Variants in RBFOX1 observed in about 807,000 individuals in gnomAD.
RBFOX1 encodes the protein RNA binding fox-1 homolog 1.
Under a neutral mutation model 57.7 loss-of-function variants are expected in RBFOX1, and 8 were observed. The observed-to-expected ratio is 0.14, with a 90% CI of 0.08 to 0.25. The LOEUF (loss-of-function observed/expected upper bound fraction) is 0.25. Among genes scored for constraint, RBFOX1 ranks in the 10% least tolerant of loss-of-function variants. The probability of loss-of-function intolerance (pLI) is 1.00; values close to 1 mark genes in which losing one functional copy is unlikely to be tolerated. For missense variants in RBFOX1, 611 were observed against 548.5 expected (o/e 1.11, Z -1.14); for synonymous variants, 326 against 222.4 (o/e 1.47, Z -4.15).
At chr16:6,271,447 A>G (rs2075207290) in intron 1 of RBFOX1, among the ~76,000 whole-genome samples, 1 of 152,176 alleles carries the variant, frequency 6.6e-6, no homozygotes, top group South Asian at 2.1e-4. Flanking sequence ...CAAACAGGGA[A>G]GGAAGTTATA....
Position 7,446,781 on chromosome 16 carries a change from C to G in RBFOX1, c.28-71366C>G, listed in dbSNP as rs112435817. On this transcript the variant is annotated intron_variant, in intron 4 of 15. Transcript: ENST00000550418. ...AGCTCACGTTTTCCTATTTCTCAAGCCAAGGTAGGTCTAGGTATTTTTTTT... is the reference window on the plus strand; with the variant it reads ...AGCTCACGTTTTCCTATTTCTCAAGGCAAGGTAGGTCTAGGTATTTTTTTT... Among the ~76,000 whole-genome samples, 1,450 of 146,644 alleles carry G rather than the reference C, an allele frequency of 9.9e-3. 26 individuals carry two copies. The highest frequency in any genetic ancestry group is 0.034 in the African/African-American group (1,322 of 39,280).
At position 5,994,249 on chromosome 16, in the gene RBFOX1, C is replaced by T. The variant is rs571210963; in HGVS notation, c.351+126914C>T. On this transcript the variant is annotated intron_variant, in intron 4 of 19. Transcript: ENST00000641259. ...CAATCTTGGCTCACTGCAACCTCTGCCTCCTGGGTTTAAGCAATTCTCATG... is the reference window on the plus strand; with the variant it reads ...CAATCTTGGCTCACTGCAACCTCTGTCTCCTGGGTTTAAGCAATTCTCATG... Among the ~76,000 whole-genome samples, 165 of 152,316 alleles carry T rather than the reference C, an allele frequency of 1.1e-3. 1 individual carries two copies. Among genetic ancestry groups the T allele is most frequent in the African/African-American group, 3.9e-3 (163 of 41,568 alleles).
intron 1 of RBFOX1, among the ~76,000 whole-genome samples, chr16:5,409,555 C>A (rs2066957552): frequency 6.6e-6 from 1 of 152,202 alleles, no homozygotes; most frequent in African/African-American, 2.4e-5. Context: ...TTTTTCTCTT[C>A]ATACTCAACA....
At chr16:7,220,278 C>A (rs891703389) in intron 4 of RBFOX1, among the ~76,000 whole-genome samples, 3 of 152,144 alleles carry the variant, frequency 2.0e-5, no homozygotes, top group Non-Finnish European at 4.4e-5. Context: ...CTGGTCCTGC[C>A]CATTTTTCCT....
chr16:6,634,521 T>A (rs2098415513), intron 2 of RBFOX1, among the ~76,000 whole-genome samples: 1 of 148,682 alleles, frequency 6.7e-6, no homozygotes, highest in Non-Finnish European at 1.5e-5. Flanking sequence ...ATAGAATATA[T>A]GATATATACT....
chr16:6,775,646 A>G (rs139858852), intron 3 of RBFOX1: 5 of 152,252 alleles, frequency 3.3e-5, no homozygotes, highest in African/African-American at 1.2e-4. Context: ...CCCCTTACAG[A>G]GAAAGTGAAT....
intron 5 of RBFOX1, among the ~76,000 whole-genome samples, chr16:7,564,805 T>TC (rs1242751537): frequency 7.4e-5 from 11 of 148,286 alleles, no homozygotes; most frequent in Admixed American, 4.1e-4. Context: ...CCTATTTTTT[T>TC]CCCAAGGAAT....
At chr16:7,017,578 A>T (rs928594100) in intron 3 of RBFOX1, among the ~76,000 whole-genome samples, 3 of 152,164 alleles carry the variant, frequency 2.0e-5, no homozygotes, top group African/African-American at 7.2e-5. Context: ...ACGACTGCAA[A>T]TTGTTGTTTT....
At chr16:7,465,107 G>C (rs143560077) in intron 4 of RBFOX1, among the ~76,000 whole-genome samples, 2 of 152,140 alleles carry the variant, frequency 1.3e-5, no homozygotes, top group African/African-American at 4.8e-5. Flanking sequence ...CTCATCCTTA[G>C]AACCCCAAGT....
intron 3 of RBFOX1, among the ~76,000 whole-genome samples, chr16:6,891,607 A>T (rs141359433): frequency 2.0e-5 from 3 of 152,302 alleles, no homozygotes; most frequent in African/African-American, 7.2e-5. Context: ...CATTGTTCCA[A>T]ATCACTGAAG....
intron 12 of RBFOX1, among the ~76,000 whole-genome samples, chr16:7,655,329 T>G (rs2066033067): frequency 6.6e-6 from 1 of 152,194 alleles, no homozygotes; most frequent in African/African-American, 2.4e-5. Context: ...TCATTTGAAT[T>G]GGGTCAACTT....
rs9933229 is a variant in RBFOX1 at position 6,164,809 on chromosome 16, G to A, written c.-127+144817G>A. ...TAATTGCCTGTAAACACACTCAGTG[G>A]AGCTCGTTACAAGAAGACTGTCGAT... On this transcript the variant is annotated intron_variant, in intron 1 of 15. Transcript: ENST00000550418. Among the ~76,000 whole-genome samples the A allele has an allele frequency of 8.2e-3, 1,242 of 152,148 alleles. 19 individuals carry two copies. Among genetic ancestry groups the A allele is most frequent in the African/African-American group, 0.028 (1,144 of 41,486 alleles).
At chr16:5,614,381 G>C (rs899801159) in intron 3 of RBFOX1, among the ~76,000 whole-genome samples, 6 of 152,166 alleles carry the variant, frequency 3.9e-5, no homozygotes, top group African/African-American at 1.4e-4. Flanking sequence ...TATCCTCCCT[G>C]AGTCCATGGG....
chr16:5,648,200 A>C (rs1325357462), intron 3 of RBFOX1, among the ~76,000 whole-genome samples: 1 of 152,002 alleles, frequency 6.6e-6, no homozygotes, highest in Non-Finnish European at 1.5e-5. Context: ...CCACGACAAT[A>C]CATACGATAT....
rs919497095 is a variant in RBFOX1 at position 7,437,866 on chromosome 16, G to GA, written c.28-80271dup. Among the ~76,000 whole-genome samples, 60 of 119,060 alleles carry GA rather than the reference G, an allele frequency of 5.0e-4. 1 individual carries two copies. The highest frequency in any genetic ancestry group is 1.2e-3 in the African/African-American group (37 of 31,826). 78.1% of individuals were successfully genotyped at this position (119,060 alleles called of 152,430 possible). A position where few individuals can be genotyped will look rare whatever the true frequency, so the allele number is the denominator to read the frequency against. On this transcript the variant is annotated intron_variant, in intron 4 of 15. Transcript: ENST00000550418. ...AGGCAGTCCATTGGAAGCAAAGTCAGAAAAAAAAAATGAATATAGGGTCAT... is the reference window on the plus strand; with the variant it reads ...AGGCAGTCCATTGGAAGCAAAGTCAGAAAAAAAAAAATGAATATAGGGTCAT...
chr16:7,475,354 A>C (rs2062439157), intron 4 of RBFOX1, among the ~76,000 whole-genome samples: 1 of 142,288 alleles, frequency 7.0e-6, no homozygotes, highest in Non-Finnish European at 1.5e-5. Context: ...TCGCTCTGTC[A>C]CCCAGGCTGG....
At chr16:5,880,401 C>T (rs2057733613) in intron 4 of RBFOX1, among the ~76,000 whole-genome samples, 1 of 152,150 alleles carries the variant, frequency 6.6e-6, no homozygotes, top group Non-Finnish European at 1.5e-5. Context: ...ACCCAGAGGA[C>T]AAGGATCTTT....
intron 4 of RBFOX1, among the ~76,000 whole-genome samples, chr16:7,290,169 A>G (rs192100145): frequency 6.6e-5 from 10 of 152,344 alleles, no homozygotes; most frequent in African/African-American, 2.4e-4. Flanking sequence ...GCAGGATAAA[A>G]GATGCATTTT....
intron 4 of RBFOX1, among the ~76,000 whole-genome samples, chr16:7,122,196 C>G (rs993074191): frequency 6.6e-6 from 1 of 152,020 alleles, no homozygotes; most frequent in South Asian, 2.1e-4. Flanking sequence ...GTGAAGGTCT[C>G]TATTAAAAGA....
Sources: gnomAD v4.1 joint callset for allele counts (sites outside exome capture counted in the v4.1 genomes callset) on GRCh38, gnomAD v4.1.1 for gene constraint, MANE v1.5 for transcripts, NCBI Gene and HGNC (gene_info 2026-07-23, HGNC 2026-07-21) for gene names.